The following SCAF11 variants were observed in gnomAD, a reference collection of about 807,000 sequenced individuals.
SCAF11 encodes the protein SR-related CTD associated factor 11, also known as protein SCAF11.
A neutral mutation model predicts 140.5 loss-of-function variants in SCAF11; 47 were observed. The ratio of observed to expected loss-of-function variants is 0.33; its 90% CI spans 0.26 to 0.43. The LOEUF (loss-of-function observed/expected upper bound fraction) is 0.43. Ranked by LOEUF, SCAF11 falls within the 20% of genes least tolerant of loss-of-function variation. SCAF11 has a pLI of 1.00. For missense variants in SCAF11, 1,645 were observed against 1,705.1 expected, an observed-to-expected ratio of 0.96 and a Z score of 0.62; for synonymous variants, 557 against 579.4, an observed-to-expected ratio of 0.96 and a Z score of 0.55.
rs1242106304 is a variant in SCAF11 at position 45,919,381 on chromosome 12, A to T, written c.*2667T>A. 2.0e-5 allele frequency: 3 copies of T among 152,588 alleles called. No homozygotes were observed. The highest frequency in any genetic ancestry group is 3.8e-4 in the East Asian group (2 of 5,204). The allele number at this position is 152,588 out of a possible 1,614,324, so 9.5% of individuals were successfully genotyped here. A position where few individuals can be genotyped will look rare whatever the true frequency, so the allele number is the denominator to read the frequency against. ...CAAAACAAATTTTAAAAAGCACAAAACTTTTGGAATGTTAATGGATAACTA... is the reference window on the plus strand; with the variant it reads ...CAAAACAAATTTTAAAAAGCACAAATCTTTTGGAATGTTAATGGATAACTA... On this transcript the variant is annotated 3_prime_UTR_variant, in exon 15 of 15. Coordinates refer to ENST00000369367, the MANE Select transcript of SCAF11 (RefSeq NM_004719.3).
intron 6 of SCAF11, among the ~76,000 whole-genome samples, chr12:45,942,835 G>A (rs755237607): frequency 5.3e-5 from 8 of 151,910 alleles, no homozygotes; most frequent in Non-Finnish European, 5.9e-5. Context: ...ATTTATTACC[G>A]CCTGTTTTAT....
intron 3 of SCAF11, chr12:45,961,272 T>C (rs1173970523): frequency 9.8e-6 from 7 of 714,104 alleles, no homozygotes; most frequent in Admixed American, 4.0e-5. Context: ...GCTCTGGTTA[T>C]TCCACAAGGC....
intron 1 of SCAF11, among the ~76,000 whole-genome samples, chr12:45,967,077 T>C (rs1190907938): frequency 6.6e-6 from 1 of 152,172 alleles, no homozygotes; most frequent in Non-Finnish European, 1.5e-5. Context: ...CAAACTAACC[T>C]GATATATAAT....
intron 1 of SCAF11, chr12:45,974,108 T>C (rs909540703): frequency 6.8e-6 from 3 of 442,086 alleles, no homozygotes; most frequent in African/African-American, 6.2e-5. Flanking sequence ...TTTCCTAGTA[T>C]ATATGTTTAT....
At chr12:45,924,485 A>G (rs1471219614) in intron 12 of SCAF11, among the ~76,000 whole-genome samples, 1 of 152,232 alleles carries the variant, frequency 6.6e-6, no homozygotes, top group Non-Finnish European at 1.5e-5. Flanking sequence ...AATCCTGTTC[A>G]GATATAAGTA....
rs140394710 is a variant in SCAF11 at position 45,974,896 on chromosome 12, G to A, written c.-21-10708C>T. 8.8e-3 allele frequency: 1,335 copies of A among 152,354 alleles called. 6 individuals carry two copies. The highest frequency in any genetic ancestry group is 0.017 in the Admixed American group (265 of 15,298). The allele number at this position is 152,354 out of a possible 1,614,324, so 9.4% of individuals were successfully genotyped here. On this transcript the variant is annotated intron_variant, in intron 1 of 14. Coordinates refer to ENST00000369367, the MANE Select transcript of SCAF11 (RefSeq NM_004719.3). ...CTGTCTGAAGCAGCTGTAGCCTTAT[G>A]AAATGTATTTCTAACAGAATAAGAC... is the stretch of plus-strand genomic sequence containing the variant.
chr12:45,934,078 C>A, intron 8 of SCAF11, 98 bp downstream of exon 8: 1 of 655,518 alleles, frequency 1.5e-6, no homozygotes. Flanking sequence ...GTGGGCCTTT[C>A]AGTTTTTATT....
intron 10 of SCAF11, among the ~76,000 whole-genome samples, chr12:45,930,283 G>C (rs1206317702): frequency 6.6e-6 from 1 of 152,024 alleles, no homozygotes; most frequent in African/African-American, 2.4e-5. Context: ...CACTTATGTG[G>C]GTCCCAAAGG....
At position 45,927,327 on chromosome 12, in the gene SCAF11, A is replaced by G. The variant is rs960487592; in HGVS notation, c.2374T>C (p.Ser792Pro). 10 of 1,614,056 alleles carry G rather than the reference A, an allele frequency of 6.2e-6. No homozygotes were observed. Among genetic ancestry groups the G allele is most frequent in the Non-Finnish European group, 7.6e-6 (9 of 1,179,976 alleles). Residue 792 changes from serine (S) to proline (P), a missense_variant, in exon 11 of 15, where the codon TCT becomes CCT. This residue lies in a region of SCAF11 where 1,582 missense variants were observed against 1,609.2 expected (regional missense o/e 0.98). Coordinates refer to ENST00000369367, the MANE Select transcript of SCAF11 (RefSeq NM_004719.3). Reference protein sequence around the residue: ...DKTKKPRTRRSRFHSPSTTWS... With the variant: ...DKTKKPRTRRPRFHSPSTTWS... ...GTTGTAGATGGAGAATGAAATCTAG[A>G]TCTTCGAGTACGAGGCTTTTTGGTT...
chr12:45,956,288 G>A (rs992631686), intron 3 of SCAF11: 18 of 643,148 alleles, frequency 2.8e-5, no homozygotes, highest in Non-Finnish European at 4.8e-5. Context: ...TGGGAATCTC[G>A]AACATCTATC....
intron 6 of SCAF11, among the ~76,000 whole-genome samples, chr12:45,942,549 A>G (rs756243794): frequency 6.6e-6 from 1 of 152,102 alleles, no homozygotes; most frequent in Non-Finnish European, 1.5e-5. Context: ...TTTCTCCTCC[A>G]TCTACCTAAT....
rs556294099 is a variant in SCAF11 at position 45,926,891 on chromosome 12, G to T, written c.2810C>A (p.Ser937Tyr). The T allele has an allele frequency of 6.2e-7, 1 of 1,613,736 alleles. No individual in the cohort carries two copies. The highest frequency in any genetic ancestry group is 2.2e-5 in the East Asian group (1 of 44,882). ...ACATCTTGAGGGGGACCTAGAATGA[G>T]ATCTGGACCTAGACCACTTTCTGGT... ...RRTRKWSRSR[S>Y]HSRSPSRCRT... The change falls in exon 11 of 15, where the codon TCT (serine) becomes TAT (tyrosine). Residue 937 changes from serine (S) to tyrosine (Y), a missense_variant. This residue lies in a region of SCAF11 where 1,582 missense variants were observed against 1,609.2 expected (regional missense o/e 0.98). Coordinates refer to ENST00000369367, the MANE Select transcript of SCAF11 (RefSeq NM_004719.3).
At chr12:45,977,075 A>T (rs1470579720) in intron 1 of SCAF11, among the ~76,000 whole-genome samples, 1 of 152,120 alleles carries the variant, frequency 6.6e-6, no homozygotes, top group Admixed American at 6.6e-5. Flanking sequence ...TATTTAAAGG[A>T]GAAATAACAC....
In SCAF11 at chr12:45,923,059, T is replaced by C; in HGVS notation, c.4002A>G (p.Gly1334=). 3 of 1,614,166 alleles carry C rather than the reference T, an allele frequency of 1.9e-6. No individual in the cohort carries two copies. The highest frequency in any genetic ancestry group is 2.5e-6 in the Non-Finnish European group (3 of 1,180,010). Residue 1334 remains glycine, a synonymous_variant, in exon 13 of 15, where the codon GGA becomes GGG. Transcript: ENST00000369367. Reference sequence around the variant, plus strand: ...ATGACGAAGTATTACCAGAACTTGGTCCCTGAACCATTCCCGTATTTCCTG... The same window carrying C: ...ATGACGAAGTATTACCAGAACTTGGCCCCTGAACCATTCCCGTATTTCCTG... ...AAPGNTGMVQ[G]PSSGNTSSSS...
chr12:45,943,458 A>G (rs1287230065), intron 6 of SCAF11, among the ~76,000 whole-genome samples: 2 of 152,228 alleles, frequency 1.3e-5, no homozygotes, highest in African/African-American at 2.4e-5. Flanking sequence ...CTTTTATTAC[A>G]GTATATTATT....
chr12:45,939,099 T>C (rs970090274), intron 6 of SCAF11, among the ~76,000 whole-genome samples: 2 of 151,048 alleles, frequency 1.3e-5, no homozygotes, highest in Non-Finnish European at 2.9e-5. Flanking sequence ...TCATCTTCAT[T>C]ATATGAGAAA....
intron 5 of SCAF11, among the ~76,000 whole-genome samples, chr12:45,946,238 G>A (rs1164399739): frequency 6.6e-6 from 1 of 152,150 alleles, no homozygotes; most frequent in East Asian, 1.9e-4. Context: ...AAAAGTATCA[G>A]AAACAGAGAG....
At chr12:45,944,760 T>C (rs997527023) in intron 6 of SCAF11, among the ~76,000 whole-genome samples, 2 of 146,738 alleles carry the variant, frequency 1.4e-5, no homozygotes, top group African/African-American at 5.1e-5. Flanking sequence ...ATTTAACTGC[T>C]CATGTAGATA....
intron 3 of SCAF11, 46 bp from the exon 4 acceptor site, chr12:45,951,773 A>G (rs772277567): frequency 1.7e-6 from 2 of 1,187,432 alleles, no homozygotes; most frequent in Non-Finnish European, 2.4e-6. Context: ...GTTTCTTTAG[A>G]TCAAAATTAT....
Sources: gnomAD v4.1 joint callset for allele counts (sites outside exome capture counted in the v4.1 genomes callset) on GRCh38, gnomAD v4.1.1 for gene constraint, gnomAD v4.1.1 regional missense constraint, MANE v1.5 for transcripts, NCBI Gene and HGNC (gene_info 2026-07-23, HGNC 2026-07-21) for gene names.